PLXNA4: variants seen among roughly 807,000 people sequenced by gnomAD.
PLXNA4 encodes the protein plexin-A4.
Under a neutral mutation model 191.8 loss-of-function variants are expected in PLXNA4, and 44 were observed. That is an observed-to-expected ratio of 0.23 (90% CI 0.18 to 0.29). The LOEUF (loss-of-function observed/expected upper bound fraction) is 0.29, where lower values mean the gene tolerates loss of function less well. Among genes scored for constraint, PLXNA4 ranks in the 10% least tolerant of loss-of-function variants. PLXNA4 has a pLI of 1.00. For synonymous variants in PLXNA4, 1,082 were observed against 1,009.5 expected, an observed-to-expected ratio of 1.07 and a Z score of -1.36; for missense variants, 1,800 against 2,488.8, an observed-to-expected ratio of 0.72 and a Z score of 5.89.
At chr7:132,615,587 C>A in intron 2 of PLXNA4, among the ~76,000 whole-genome samples, 1 of 152,148 alleles carries the variant, frequency 6.6e-6, no homozygotes, top group East Asian at 1.9e-4. Flanking sequence ...TTCCTGCACC[C>A]TGTAGCACCT....
intron 3 of PLXNA4, among the ~76,000 whole-genome samples, chr7:132,473,962 G>A (rs1797026872): frequency 1.3e-5 from 2 of 151,986 alleles, no homozygotes; most frequent in South Asian, 4.1e-4. Context: ...AGGAAAGAAA[G>A]TTCAACAAGC....
At chr7:132,227,732 A>G (rs986011614) in intron 6 of PLXNA4, 128 bp from the exon 7 acceptor site, 48 of 1,212,856 alleles carry the variant, frequency 4.0e-5, no homozygotes, top group Non-Finnish European at 5.2e-5. Flanking sequence ...AAGAGGCAAT[A>G]TTAACATGGA....
intron 3 of PLXNA4, among the ~76,000 whole-genome samples, chr7:132,477,249 A>G (rs920217103): frequency 2.0e-5 from 3 of 152,330 alleles, no homozygotes; most frequent in Non-Finnish European, 4.4e-5. Context: ...ACCTCCCTGC[A>G]TACATACACA....
At chr7:132,641,978 T>G (rs1803752508) in intron 2 of PLXNA4, among the ~76,000 whole-genome samples, 2 of 152,172 alleles carry the variant, frequency 1.3e-5, no homozygotes, top group African/African-American at 2.4e-5. Flanking sequence ...GTGTGTGTGT[T>G]TTAGATGAAA....
rs559944905 is a variant in PLXNA4 at position 132,500,312 on chromosome 7, G to A, written c.1188+7194C>T. Among the ~76,000 whole-genome samples the A allele has an allele frequency of 1.3e-4, 20 of 152,192 alleles. 1 individual carries two copies. The South Asian group carries it at 1.5e-3, about 11-fold the overall frequency. On this transcript the variant is annotated intron_variant, in intron 2 of 31. Transcript: ENST00000321063. ...ACAAAAATTAGCTGGTCGTGGTGGCGCATGCCTGTAATCCCAGCTACTCAG... is the reference window on the plus strand; with the variant it reads ...ACAAAAATTAGCTGGTCGTGGTGGCACATGCCTGTAATCCCAGCTACTCAG...
intron 1 of PLXNA4, among the ~76,000 whole-genome samples, chr7:132,543,362 C>A (rs1015626329): frequency 1.3e-5 from 2 of 152,142 alleles, no homozygotes; most frequent in African/African-American, 2.4e-5. Flanking sequence ...TTGCTTAGAC[C>A]CTCGGCTGCC....
intron 3 of PLXNA4, among the ~76,000 whole-genome samples, chr7:132,355,201 G>A (rs1338855672): frequency 2.0e-5 from 3 of 152,176 alleles, no homozygotes; most frequent in Non-Finnish European, 2.9e-5. Flanking sequence ...TCAGTGGTGA[G>A]TTACCGCAGG....
chr7:132,530,260 AG>A (rs1295991343), intron 1 of PLXNA4, among the ~76,000 whole-genome samples: 1 of 152,218 alleles, frequency 6.6e-6, no homozygotes, highest in Non-Finnish European at 1.5e-5. Context: ...CTAAACATGC[AG>A]TTTATGGAAT....
Position 132,226,248 on chromosome 7 carries a change from A to G in PLXNA4, c.1895T>C (p.Val632Ala). The change falls in exon 8 of 32, where the codon GTC becomes GCC. Residue 632 changes from valine (V) to alanine (A), a missense_variant. Val to Ala is a moderately conservative substitution (Grantham distance 64). This residue lies in a region of PLXNA4 where 1,397 missense variants were observed against 1,880.4 expected (regional missense o/e 0.74). Transcript: ENST00000321063. Reference sequence around the variant, plus strand: ...CTTTGATTTGAGCTGAAGCTGTACGACATGGTGGTCCCCTACAAGGAGAGA... The same window carrying G: ...CTTTGATTTGAGCTGAAGCTGTACGGCATGGTGGTCCCCTACAAGGAGAGA... ...RIITENGDHH[V>A]VQLQLKSKET... 1 of 1,613,456 alleles carries G rather than the reference A, an allele frequency of 6.2e-7. No homozygotes were observed. Among genetic ancestry groups the G allele is most frequent in the Non-Finnish European group, 8.5e-7 (1 of 1,179,780 alleles).
intron 3 of PLXNA4, among the ~76,000 whole-genome samples, chr7:132,344,565 C>T (rs1803168339): frequency 6.6e-6 from 1 of 151,606 alleles, no homozygotes; most frequent in Non-Finnish European, 1.5e-5. Flanking sequence ...CCAGCATCCA[C>T]ATCCCTCCCC....
intron 9 of PLXNA4, among the ~76,000 whole-genome samples, chr7:132,219,995 C>CA (rs1798091857): frequency 6.6e-6 from 1 of 152,144 alleles, no homozygotes; most frequent in Non-Finnish European, 1.5e-5. Context: ...CGCACAATGA[C>CA]AAAATTGCCT....
intron 3 of PLXNA4, among the ~76,000 whole-genome samples, chr7:132,340,106 C>A (rs1339145273): frequency 1.3e-5 from 2 of 152,198 alleles, no homozygotes; most frequent in East Asian, 1.9e-4. Context: ...CATTCACAAT[C>A]TTTGCTTTTG....
intron 3 of PLXNA4, chr7:132,384,532 C>T: frequency 1.0e-6 from 1 of 986,888 alleles, no homozygotes. Flanking sequence ...TGGACAACAC[C>T]AATTAACTTT....
intron 3 of PLXNA4, among the ~76,000 whole-genome samples, chr7:132,312,064 G>A (rs1466242916): frequency 1.3e-5 from 2 of 151,776 alleles, no homozygotes; most frequent in African/African-American, 4.8e-5. Context: ...CCTCAGTTGA[G>A]GGGCCTAAAG....
chr7:132,145,139 G>A lies in PLXNA4; in HGVS notation c.5205C>T (p.Arg1735=), dbSNP rs767664157. 11 of 1,614,038 alleles carry A rather than the reference G, an allele frequency of 6.8e-6. No homozygotes were observed. Among genetic ancestry groups the A allele is most frequent in the Non-Finnish European group, 9.3e-6 (11 of 1,180,042 alleles). Residue 1735 remains arginine, a synonymous_variant, in exon 29 of 32, where the codon CGC becomes CGT. Transcript: ENST00000321063. ...CTCACCAATTGCTCTTCCAGGTATG[G>A]CGGACGTGCGGGTCATGAATGCCAT... ...DKHGIHDPHV[R]HTWKSNCLPL...
intron 3 of PLXNA4, among the ~76,000 whole-genome samples, chr7:132,340,215 G>A (rs950576226): frequency 1.3e-5 from 2 of 152,158 alleles, no homozygotes; most frequent in African/African-American, 4.8e-5. Context: ...AAGGGTTGAG[G>A]GTCTAAGGAA....
intron 3 of PLXNA4, among the ~76,000 whole-genome samples, chr7:132,377,786 T>C (rs1032567269): frequency 1.3e-5 from 2 of 151,902 alleles, no homozygotes; most frequent in Admixed American, 1.3e-4. Flanking sequence ...TGGCCAGGGG[T>C]AACGAGTGAA....
chr7:132,638,760 A>T (rs922375964), intron 2 of PLXNA4, among the ~76,000 whole-genome samples: 10 of 151,960 alleles, frequency 6.6e-5, no homozygotes, highest in South Asian at 2.1e-4. Context: ...ATGAAATAAA[A>T]ATATATATAT....
At chr7:132,189,944 G>A (rs1241915778) in intron 14 of PLXNA4, among the ~76,000 whole-genome samples, 1 of 152,142 alleles carries the variant, frequency 6.6e-6, no homozygotes. Flanking sequence ...GTGAACATGT[G>A]GCACCAGAGC....
Sources: allele counts gnomAD v4.1 joint callset (sites outside exome capture counted in the v4.1 genomes callset), GRCh38; gene constraint gnomAD v4.1.1; regional missense constraint gnomAD v4.1.1; transcripts MANE v1.5; gene names NCBI Gene and HGNC (gene_info 2026-07-23, HGNC 2026-07-21).